The following TM4SF18 variants were observed in gnomAD, a reference collection of about 807,000 sequenced individuals.
TM4SF18 encodes the protein transmembrane 4 L six family member 18, also known as transmembrane 4 L6 family member 18.
A neutral mutation model predicts 23.8 loss-of-function variants in TM4SF18; 22 were observed. That is an observed-to-expected ratio of 0.92 (90% confidence interval 0.66 to 1.32). The LOEUF is 1.32. TM4SF18 is among the 40% of genes most tolerant of loss of function. The pLI, the probability that TM4SF18 is intolerant of heterozygous loss-of-function variation, is 0.00. For synonymous variants in TM4SF18, 87 were observed against 87.9 expected, an observed-to-expected ratio of 0.99 and a Z score of 0.06; for missense variants, 255 against 240.3, an observed-to-expected ratio of 1.06 and a Z score of -0.41.
At position 149,324,949 on chromosome 3, in the gene TM4SF18, C is replaced by T. The variant is rs1278210745; in HGVS notation, c.341G>A (p.Gly114Asp). The change falls in exon 4 of 6, where the codon GGT becomes GAT. Residue 114 changes from glycine (G) to aspartate (D), a missense_variant. Gly to Asp is a moderately conservative substitution (Grantham distance 94). Transcript: ENST00000296059. ...SGYCLVISAL[G>D]LVQGPYCRTL... ...GCGGCAATATGGCCCTTGGACAAGA[C>T]CCAAGGCAGAGATGACCAGGCAGTA... 2 of 1,614,086 alleles carry T rather than the reference C, an allele frequency of 1.2e-6. No individual in the cohort carries two copies. The highest frequency in any genetic ancestry group is 1.3e-5 in the African/African-American group (1 of 75,004).
intron 3 of TM4SF18, among the ~76,000 whole-genome samples, chr3:149,326,647 A>AT: frequency 6.6e-6 from 1 of 152,014 alleles, no homozygotes; most frequent in Non-Finnish European, 1.5e-5. Context: ...TTATGTTATC[A>AT]TTTTTCTGCA....
intron 3 of TM4SF18, among the ~76,000 whole-genome samples, chr3:149,328,763 G>C (rs1203520713): frequency 2.0e-5 from 3 of 152,100 alleles, no homozygotes; most frequent in Non-Finnish European, 1.5e-5. Flanking sequence ...ATTCATTTAT[G>C]TCACACACGT....
In TM4SF18 at chr3:149,330,300, A is replaced by C. The variant is rs779206062; in HGVS notation, c.267+30T>G. ...GAGGAAAGAAAGCTGGAGCCCACTC[A>C]ACCATCCTCAAAAAAACTGTTGCTC... On this transcript the variant is annotated intron_variant, in intron 3 of 5. Transcript: ENST00000296059. 10 of 1,514,116 alleles carry C rather than the reference A, an allele frequency of 6.6e-6. No homozygotes were observed. The Admixed American group carries it at 1.7e-4, about 26-fold the overall frequency. The allele number at this position is 1,514,116 out of a possible 1,614,324, so 93.8% of individuals were successfully genotyped here. A position where few individuals can be genotyped will look rare whatever the true frequency, so the allele number is the denominator to read the frequency against.
intron 2 of TM4SF18, among the ~76,000 whole-genome samples, chr3:149,333,001 G>C (rs191524126): frequency 6.6e-6 from 1 of 152,122 alleles, no homozygotes; most frequent in Non-Finnish European, 1.5e-5. Context: ...CATTACTGAG[G>C]CTGCATTGCT....
At chr3:149,331,278 A>G (rs1038390585) in intron 2 of TM4SF18, among the ~76,000 whole-genome samples, 2 of 152,138 alleles carry the variant, frequency 1.3e-5, no homozygotes, top group Non-Finnish European at 2.9e-5. Context: ...TTAATTATTT[A>G]CCTATATTCT....
intron 3 of TM4SF18, among the ~76,000 whole-genome samples, chr3:149,329,712 C>T (rs1217706344): frequency 6.6e-6 from 1 of 152,132 alleles, no homozygotes; most frequent in African/African-American, 2.4e-5. Flanking sequence ...TTGTATTATT[C>T]ACCCTGATAC....
chr3:149,323,952 G>A (rs896982228), intron 4 of TM4SF18, among the ~76,000 whole-genome samples: 1 of 152,204 alleles, frequency 6.6e-6, no homozygotes, highest in Non-Finnish European at 1.5e-5. Flanking sequence ...CAGAATGAAG[G>A]CAGCTACAGT....
chr3:149,324,563 G>T (rs951560891), intron 4 of TM4SF18, among the ~76,000 whole-genome samples: 2 of 152,144 alleles, frequency 1.3e-5, no homozygotes, highest in Non-Finnish European at 2.9e-5. Context: ...ATAAGCTCCA[G>T]CTGTTACCAG....
chr3:149,322,371 A>T lies in TM4SF18; in HGVS notation c.476T>A (p.Ile159Asn). 6.2e-7 allele frequency: 1 copy of T among 1,614,070 alleles called. No individual in the cohort carries two copies. Residue 159 changes from isoleucine to asparagine, a missense_variant, in exon 5 of 6, where the codon ATC (isoleucine) becomes AAC (asparagine). By Grantham distance (149) the Ile-to-Asn change is moderately radical. Coordinates refer to ENST00000296059, the MANE Select transcript of TM4SF18 (RefSeq NM_138786.4). ...LEPAHVVEWN[I>N]ILFSILITLS... ...GGTTATGAGAATGGAAAATAAAATG[A>T]TGTTCCACTCCACAACATGTGCAGG...
Position 149,321,554 on chromosome 3 carries a change from G to A in TM4SF18, c.592-62C>T, listed in dbSNP as rs16861763. ...ATAAACTTGGCTTGATTAGTAATCCGTAATCCAGATAGCAACTTAAACTTA... is the reference window on the plus strand; with the variant it reads ...ATAAACTTGGCTTGATTAGTAATCCATAATCCAGATAGCAACTTAAACTTA... On this transcript the variant is annotated intron_variant, in intron 5 of 5. Transcript: ENST00000296059. The A allele has an allele frequency of 0.012, 14,163 of 1,133,508 alleles. 1,227 individuals are homozygous for A. In the African/African-American group the frequency reaches 0.19, roughly 15 times the overall value. 70.2% of individuals were successfully genotyped at this position (1,133,508 alleles called of 1,614,324 possible). A position where few individuals can be genotyped will look rare whatever the true frequency, so the allele number is the denominator to read the frequency against.
intron 2 of TM4SF18, among the ~76,000 whole-genome samples, chr3:149,332,422 C>T (rs1731105651): frequency 6.6e-6 from 1 of 152,002 alleles, no homozygotes; most frequent in Non-Finnish European, 1.5e-5. Context: ...TCTGAGTTGC[C>T]AACATGATTT....
Position 149,322,243 on chromosome 3 carries a change from G to A in TM4SF18, c.591+13C>T. 1 of 1,602,872 alleles carries A rather than the reference G, an allele frequency of 6.2e-7. No homozygotes were observed. Among genetic ancestry groups the A allele is most frequent in the Non-Finnish European group, 8.5e-7 (1 of 1,173,858 alleles). ...ATATGGATGAGCTACAGGTGCCCAT[G>A]AGAATCTGTTACCTGGAAGATCACT... On this transcript the variant is annotated intron_variant, in intron 5 of 5. Coordinates refer to ENST00000296059, the MANE Select transcript of TM4SF18 (RefSeq NM_138786.4).
chr3:149,326,283 G>A (rs1222949112), intron 3 of TM4SF18, among the ~76,000 whole-genome samples: 1 of 152,120 alleles, frequency 6.6e-6, no homozygotes, highest in African/African-American at 2.4e-5. Flanking sequence ...TCTTGTAGAT[G>A]TCTCACATTC....
intron 3 of TM4SF18, among the ~76,000 whole-genome samples, chr3:149,327,895 G>C (rs1025573491): frequency 6.6e-6 from 1 of 152,094 alleles, no homozygotes; most frequent in Non-Finnish European, 1.5e-5. Context: ...CACTATCAAG[G>C]TAAGCCTCAA....
At position 149,319,569 on chromosome 3, in the gene TM4SF18, G is replaced by T. The variant is rs569543924; in HGVS notation, c.*1909C>A. On this transcript the variant is annotated 3_prime_UTR_variant, in exon 6 of 6. Coordinates refer to ENST00000296059, the MANE Select transcript of TM4SF18 (RefSeq NM_138786.4). ...ACAGAGCTGCACTGATTTAGTCGGG[G>T]GTTTACTGAAATGATCAGCACAGTG... 11 of 152,150 alleles carry T rather than the reference G, an allele frequency of 7.2e-5. No individual in the cohort carries two copies. Among genetic ancestry groups the T allele is most frequent in the Admixed American group, 2.6e-4 (4 of 15,282 alleles). 9.4% of individuals were successfully genotyped at this position (152,150 alleles called of 1,614,324 possible).
intron 4 of TM4SF18, among the ~76,000 whole-genome samples, chr3:149,323,889 A>C (rs1240871359): frequency 6.6e-6 from 1 of 152,174 alleles, no homozygotes; most frequent in African/African-American, 2.4e-5. Context: ...GACCTGAGGG[A>C]GAGTCATGTT....
At chr3:149,322,220 A>G in intron 5 of TM4SF18, 36 bp downstream of exon 5, 1 of 1,552,296 alleles carries the variant, frequency 6.4e-7, no homozygotes, top group Non-Finnish European at 8.7e-7. Flanking sequence ...TGGGGGAAAT[A>G]TGGATGAGCT....
At chr3:149,331,548 G>A (rs913458382) in intron 2 of TM4SF18, among the ~76,000 whole-genome samples, 5 of 152,172 alleles carry the variant, frequency 3.3e-5, no homozygotes, top group Admixed American at 6.5e-5. Context: ...GATGAGACAA[G>A]GCCAAAGCAT....
intron 5 of TM4SF18, 101 bp from the exon 6 acceptor site, chr3:149,321,593 A>C (rs1730810753): frequency 6.9e-6 from 5 of 726,872 alleles, no homozygotes; most frequent in Non-Finnish European, 6.7e-6. Flanking sequence ...TTCATATTCA[A>C]AATATGATAG....
Sources: allele counts gnomAD v4.1 joint callset (sites outside exome capture counted in the v4.1 genomes callset), GRCh38; gene constraint gnomAD v4.1.1; transcripts MANE v1.5; gene names NCBI Gene and HGNC (gene_info 2026-07-23, HGNC 2026-07-21).